The following TRIP12 variants were observed in gnomAD, a reference collection of about 807,000 sequenced individuals.
TRIP12 encodes E3 ubiquitin-protein ligase TRIP12.
TRIP12 carries 25 observed loss-of-function variants against 244.2 expected under a neutral mutation model. The observed-to-expected ratio is 0.10, with a 90% CI of 0.07 to 0.14. The LOEUF is 0.14. Among genes scored for constraint, TRIP12 ranks in the 10% least tolerant of loss-of-function variants. TRIP12 has a pLI of 1.00. For missense variants in TRIP12, 1,677 were observed against 2,486.4 expected, an observed-to-expected ratio of 0.67 and a Z score of 6.92; for synonymous variants, 905 against 873.1, an observed-to-expected ratio of 1.04 and a Z score of -0.64.
intron 1 of TRIP12, among the ~76,000 whole-genome samples, chr2:229,898,447 T>G (rs544961564): frequency 6.7e-4 from 102 of 152,294 alleles, no homozygotes; most frequent in Admixed American, 1.0e-3. Context: ...TACTCACATT[T>G]AACACAAAAA....
chr2:229,851,240 CTG>C (rs1305108172), intron 4 of TRIP12, among the ~76,000 whole-genome samples: 1 of 152,076 alleles, frequency 6.6e-6, no homozygotes, highest in African/African-American at 2.4e-5. Flanking sequence ...AATCGGCACT[CTG>C]TATCTAGCTC....
chr2:229,797,561 GT>G, intron 24 of TRIP12, 128 bp downstream of exon 24: 1 of 1,059,464 alleles, frequency 9.4e-7, no homozygotes, highest in Non-Finnish European at 1.3e-6. Context: ...CACCAAGGGT[GT>G]ATATAAGGTA....
intron 6 of TRIP12, chr2:229,831,242 T>C (rs76532016): frequency 0.054 from 35,970 of 666,192 alleles, 1,341 homozygotes; most frequent in South Asian, 0.11. Flanking sequence ...AAATAGACAT[T>C]TGGGGGAAAT....
At chr2:229,845,289 C>T (rs1276828857) in intron 4 of TRIP12, among the ~76,000 whole-genome samples, 3 of 152,124 alleles carry the variant, frequency 2.0e-5, no homozygotes, top group African/African-American at 7.2e-5. Flanking sequence ...ACCATTAATC[C>T]CAAAATTCAG....
intron 31 of TRIP12, 96 bp from the exon 32 acceptor site, chr2:229,789,036 C>T (rs2040764211): frequency 8.6e-7 from 1 of 1,166,802 alleles, no homozygotes; most frequent in African/African-American, 1.6e-5. Flanking sequence ...ATGCAAAGTA[C>T]CCTGAATTCA....
At chr2:229,795,799 T>C (rs976120893) in intron 25 of TRIP12, among the ~76,000 whole-genome samples, 1 of 152,230 alleles carries the variant, frequency 6.6e-6, no homozygotes, top group Non-Finnish European at 1.5e-5. Context: ...TAATCTTAAG[T>C]ATGCTGTAAA....
chr2:229,879,043 A>G (rs947000111), intron 2 of TRIP12, among the ~76,000 whole-genome samples: 16 of 152,068 alleles, frequency 1.1e-4, no homozygotes, highest in Non-Finnish European at 1.6e-4. Flanking sequence ...GCTTGAGGTC[A>G]GGAGTTTGAG....
At chr2:229,877,688 T>C (rs900626520) in intron 2 of TRIP12, among the ~76,000 whole-genome samples, 6 of 152,190 alleles carry the variant, frequency 3.9e-5, no homozygotes, top group Non-Finnish European at 2.9e-5. Flanking sequence ...AACCTGAGGA[T>C]TAATATGCAT....
At chr2:229,812,044 G>T (rs1056423183) in intron 13 of TRIP12, among the ~76,000 whole-genome samples, 2 of 152,046 alleles carry the variant, frequency 1.3e-5, no homozygotes, top group Non-Finnish European at 2.9e-5. Flanking sequence ...CAGAGAACAC[G>T]CTTTTAGACT....
chr2:229,881,490 A>G (rs1275647260), intron 1 of TRIP12, among the ~76,000 whole-genome samples: 2 of 152,296 alleles, frequency 1.3e-5, no homozygotes, highest in South Asian at 2.1e-4. Context: ...ACTGTACTGG[A>G]TTTTGTTTTA....
At chr2:229,863,731 A>T (rs1438217186) in intron 2 of TRIP12, among the ~76,000 whole-genome samples, 3 of 152,198 alleles carry the variant, frequency 2.0e-5, no homozygotes, top group Non-Finnish European at 4.4e-5. Context: ...ATGATGTCCA[A>T]TCTGGAATAG....
chr2:229,819,315 C>T (rs1423616445), intron 8 of TRIP12, among the ~76,000 whole-genome samples: 1 of 152,188 alleles, frequency 6.6e-6, no homozygotes, highest in Non-Finnish European at 1.5e-5. Flanking sequence ...GAGGCCAAGG[C>T]AAGTGGATCA....
intron 5 of TRIP12, 124 bp downstream of exon 5, chr2:229,840,698 G>C (rs1424993568): frequency 1.3e-5 from 10 of 748,872 alleles, no homozygotes; most frequent in Admixed American, 3.3e-5. Context: ...GCAAGACTCC[G>C]TCAAAAAACA....
At chr2:229,881,939 T>C (rs1254102804) in intron 1 of TRIP12, among the ~76,000 whole-genome samples, 1 of 152,224 alleles carries the variant, frequency 6.6e-6, no homozygotes, top group African/African-American at 2.4e-5. Flanking sequence ...TTGAGACTGA[T>C]TGTCAATTTA....
chr2:229,839,473 C>T (rs756412054), intron 5 of TRIP12, among the ~76,000 whole-genome samples: 3 of 151,756 alleles, frequency 2.0e-5, no homozygotes, highest in Admixed American at 6.6e-5. Context: ...GTCAGGAGAC[C>T]GAGACCATCC....
At chr2:229,810,378 G>C (rs1207921523) in intron 15 of TRIP12, among the ~76,000 whole-genome samples, 1 of 152,060 alleles carries the variant, frequency 6.6e-6, no homozygotes, top group African/African-American at 2.4e-5. Flanking sequence ...AAATTTGAAA[G>C]GTTTAATTTG....
chr2:229,853,490 T>C (rs911642858), intron 4 of TRIP12, among the ~76,000 whole-genome samples: 46 of 152,108 alleles, frequency 3.0e-4, no homozygotes, highest in African/African-American at 9.9e-4. Flanking sequence ...CAAAACCGCA[T>C]CTCTACTAAA....
At chr2:229,796,213 T>G (rs1290657924) in intron 25 of TRIP12, among the ~76,000 whole-genome samples, 2 of 152,208 alleles carry the variant, frequency 1.3e-5, no homozygotes, top group African/African-American at 4.8e-5. Flanking sequence ...CAAGAAAATA[T>G]AACTCCTCTA....
chr2:229,802,801 G>C (rs1270757849), intron 20 of TRIP12, among the ~76,000 whole-genome samples: 5 of 152,114 alleles, frequency 3.3e-5, no homozygotes, highest in African/African-American at 1.2e-4. Flanking sequence ...TGCACACCCT[G>C]TGGTGTGACA....
Sources: gnomAD v4.1 joint callset for allele counts (sites outside exome capture counted in the v4.1 genomes callset) on GRCh38, gnomAD v4.1.1 for gene constraint, MANE v1.5 for transcripts, NCBI Gene and HGNC (gene_info 2026-07-23, HGNC 2026-07-21) for gene names.